C6orf118: variants seen among roughly 807,000 people sequenced by gnomAD.
C6orf118 encodes the protein chromosome 6 open reading frame 118.
C6orf118 carries 50 observed loss-of-function variants against 50.2 expected under a neutral mutation model. The observed-to-expected ratio is 1.00, with a 90% CI of 0.79 to 1.26. C6orf118 has a LOEUF of 1.26. C6orf118 is among the 50% of genes most tolerant of loss of function. The probability of loss-of-function intolerance (pLI) is 0.00; values close to 1 mark genes in which losing one functional copy is unlikely to be tolerated. For synonymous variants in C6orf118, 239 were observed against 230.9 expected (o/e 1.03, Z -0.32); for missense variants, 641 against 578.7 (o/e 1.11, Z -1.10).
chr6:165,292,833 A>G (rs1255883346), intron 6 of C6orf118, among the ~76,000 whole-genome samples: 1 of 152,168 alleles, frequency 6.6e-6, no homozygotes, highest in Non-Finnish European at 1.5e-5. Flanking sequence ...AACAGGCAGC[A>G]GGGGGAAAAA....
chr6:165,297,924 A>C, intron 5 of C6orf118, 53 bp downstream of exon 5: 9 of 1,610,408 alleles, frequency 5.6e-6, no homozygotes, highest in Non-Finnish European at 6.8e-6. Context: ...GCGGTTTCAG[A>C]CCTTGTTACG....
Position 165,279,855 on chromosome 6 carries a change from T to G in C6orf118, c.*202A>C. The G allele has an allele frequency of 2.2e-6, 1 of 453,462 alleles. No homozygotes were observed. Among genetic ancestry groups the G allele is most frequent in the East Asian group, 3.6e-5 (1 of 28,092 alleles). The allele number at this position is 453,462 out of a possible 1,614,324, so 28.1% of individuals were successfully genotyped here. ...AAGAACTAGTATTGTTGTAAATATG[T>G]ATGCAACAGAAACTAATCATGTGTA... On this transcript the variant is annotated 3_prime_UTR_variant, in exon 9 of 9. Transcript: ENST00000230301.
chr6:165,283,627 A>G (rs571568236), intron 7 of C6orf118, among the ~76,000 whole-genome samples: 1 of 152,292 alleles, frequency 6.6e-6, no homozygotes, highest in South Asian at 2.1e-4. Context: ...GTCGGCAGCA[A>G]TCTTTGCTGT....
chr6:165,301,674 C>A lies in C6orf118; in HGVS notation c.648G>T (p.Arg216Ser), dbSNP rs1780544985. The change falls in exon 2 of 9, where the codon AGG (arginine) becomes AGT (serine). Residue 216 changes from arginine to serine, a missense_variant. Physicochemically the swap from Arg to Ser is moderately radical, Grantham distance 110. Coordinates refer to ENST00000230301, the MANE Select transcript of C6orf118 (RefSeq NM_144980.4). The part of the protein sequence containing the change: ...LAGATSADRY[R>S]MFLRFQKEVL... ...CTTCCTTCTGGAAACGCAGGAACAT[C>A]CTGTACCTGTCTGCGCTGGTGGCTC... 2 of 1,614,176 alleles carry A rather than the reference C, an allele frequency of 1.2e-6. No individual in the cohort carries two copies. The highest frequency in any genetic ancestry group is 1.7e-6 in the Non-Finnish European group (2 of 1,180,024).
chr6:165,309,549 C>T lies in C6orf118; in HGVS notation c.25+13G>A, dbSNP rs769051580. 1.7e-5 allele frequency: 27 copies of T among 1,614,074 alleles called. No individual in the cohort carries two copies. Among genetic ancestry groups the T allele is most frequent in the Non-Finnish European group, 2.2e-5 (26 of 1,180,024 alleles). ...ATCTCACAAGCCAGCAAGAGCCGCT[C>T]CAGGCCACTTACATTCAGGCTCCCG... On this transcript the variant is annotated intron_variant, in intron 1 of 8. Coordinates refer to ENST00000230301, the MANE Select transcript of C6orf118 (RefSeq NM_144980.4).
At chr6:165,303,684 T>TAC (rs1457912470) in intron 1 of C6orf118, among the ~76,000 whole-genome samples, 2 of 74,434 alleles carry the variant, frequency 2.7e-5, no homozygotes, top group Admixed American at 3.1e-4. Flanking sequence ...CAGAGAATAC[T>TAC]ACAAACACCT....
chr6:165,301,519 T>C, intron 2 of C6orf118, 50 bp downstream of exon 2: 1 of 1,562,752 alleles, frequency 6.4e-7, no homozygotes, highest in Non-Finnish European at 8.6e-7. Context: ...CACCGAGAGC[T>C]ATGCCCTGAG....
chr6:165,309,153 A>G (rs978754179), intron 1 of C6orf118, among the ~76,000 whole-genome samples: 10 of 152,246 alleles, frequency 6.6e-5, no homozygotes, highest in African/African-American at 2.2e-4. Context: ...GTGGTCATTT[A>G]TAGGAGCGCG....
intron 7 of C6orf118, among the ~76,000 whole-genome samples, chr6:165,283,117 G>A (rs752726820): frequency 1.3e-5 from 2 of 152,122 alleles, no homozygotes; most frequent in Non-Finnish European, 2.9e-5. Flanking sequence ...AAAATGGCAA[G>A]TGAATCCTAC....
At chr6:165,305,573 A>G (rs1410910901) in intron 1 of C6orf118, among the ~76,000 whole-genome samples, 2 of 49,878 alleles carry the variant, frequency 4.0e-5, no homozygotes, top group Non-Finnish European at 3.2e-5. Context: ...CAACCTACTC[A>G]TCTGACAAAG....
At chr6:165,281,049 A>T (rs1384433579) in intron 8 of C6orf118, among the ~76,000 whole-genome samples, 2 of 152,242 alleles carry the variant, frequency 1.3e-5, no homozygotes, top group African/African-American at 4.8e-5. Flanking sequence ...TGTAAATAAT[A>T]ATGTTTATAC....
At chr6:165,286,155 T>A (rs1430462285) in intron 7 of C6orf118, among the ~76,000 whole-genome samples, 1 of 152,030 alleles carries the variant, frequency 6.6e-6, no homozygotes, top group African/African-American at 2.4e-5. Context: ...AACACCTCTA[T>A]GCAAATAAAC....
chr6:165,301,562 TC>T lies in C6orf118; in HGVS notation c.753+6del, dbSNP rs1562334996. ...CCCTGAGACCACCGCAGGGCTGCCC[TC>T]CTCACCTGCTGCAGCTTTCTCTCGT... On this transcript the variant is annotated splice_donor_region_variant and intron_variant, in intron 2 of 8. Coordinates refer to ENST00000230301, the MANE Select transcript of C6orf118 (RefSeq NM_144980.4). 1 of 1,607,152 alleles carries T rather than the reference TC, an allele frequency of 6.2e-7. No homozygotes were observed. Among genetic ancestry groups the T allele is most frequent in the East Asian group, 2.2e-5 (1 of 44,768 alleles).
At chr6:165,299,650 T>C (rs1780443579) in intron 3 of C6orf118, 148 bp from the exon 4 acceptor site, 2 of 602,380 alleles carry the variant, frequency 3.3e-6, no homozygotes, top group Admixed American at 5.6e-5. Context: ...CATTAAACGG[T>C]ATACATGCTC....
chr6:165,293,362 T>C (rs367745586), intron 6 of C6orf118, 51 bp downstream of exon 6: 152 of 1,525,832 alleles, frequency 1.0e-4, no homozygotes, highest in Admixed American at 2.2e-4. Flanking sequence ...GCTGAAATAA[T>C]GAAGGTCACA....
chr6:165,296,322 G>T, intron 5 of C6orf118, among the ~76,000 whole-genome samples: 1 of 129,128 alleles, frequency 7.7e-6, no homozygotes, highest in South Asian at 2.7e-4. Flanking sequence ...TCTCACTCCA[G>T]AAGCAGGGCT....
intron 6 of C6orf118, among the ~76,000 whole-genome samples, chr6:165,291,566 G>A (rs56303557): frequency 0.09 from 13,746 of 152,132 alleles, 694 homozygotes; most frequent in African/African-American, 0.13. Context: ...GTTTAATCTC[G>A]GACATGTTGA....
At chr6:165,291,109 C>T (rs538611352) in intron 6 of C6orf118, among the ~76,000 whole-genome samples, 3 of 152,286 alleles carry the variant, frequency 2.0e-5, no homozygotes, top group Admixed American at 2.0e-4. Flanking sequence ...GTCCCTCCCA[C>T]AACACATAGG....
At position 165,298,021 on chromosome 6, in the gene C6orf118, C is replaced by G. The variant is rs886600417; in HGVS notation, c.1017G>C (p.Arg339Ser). The change falls in exon 5 of 9, where the codon AGG becomes AGC. Residue 339 changes from arginine (R) to serine (S), a missense_variant. Arg to Ser is a moderately radical substitution (Grantham distance 110). Coordinates refer to ENST00000230301, the MANE Select transcript of C6orf118 (RefSeq NM_144980.4). Reference protein sequence around the residue: ...ADMDLAREELRMLVTATKAAL... With the variant: ...ADMDLAREELSMLVTATKAAL... Reference sequence around the variant, plus strand: ...CTGCTTTTGTGGCTGTCACGAGCATCCTCAGCTCTTCCCTGGCGAGATCCA... The same window carrying G: ...CTGCTTTTGTGGCTGTCACGAGCATGCTCAGCTCTTCCCTGGCGAGATCCA... The G allele has an allele frequency of 4.3e-6, 7 of 1,613,888 alleles. No individual in the cohort carries two copies. The African/African-American group carries it at 9.3e-5, about 22-fold the overall frequency.
Sources: gnomAD v4.1 joint callset for allele counts (sites outside exome capture counted in the v4.1 genomes callset) on GRCh38, gnomAD v4.1.1 for gene constraint, MANE v1.5 for transcripts, NCBI Gene and HGNC (gene_info 2026-07-23, HGNC 2026-07-21) for gene names.